The following WDFY4 variants were observed in gnomAD, a reference collection of about 807,000 sequenced individuals.
The protein encoded by WDFY4 is WDFY family member 4.
A neutral mutation model predicts 351.9 loss-of-function variants in WDFY4; 169 were observed. That is an observed-to-expected ratio of 0.48 (90% CI 0.42 to 0.55). WDFY4 has a LOEUF of 0.55. WDFY4 is among the 20% of genes least tolerant of loss of function. The probability of loss-of-function intolerance (pLI) is 0.00; values close to 1 mark genes in which losing one functional copy is unlikely to be tolerated. For synonymous variants in WDFY4, 1,622 were observed against 1,574.6 expected (o/e 1.03, Z -0.71); for missense variants, 3,803 against 3,935.6 (o/e 0.97, Z 0.90).
At chr10:48,761,423 T>G (rs2940736) in intron 13 of WDFY4, among the ~76,000 whole-genome samples, 152,300 of 152,304 alleles carry the variant, frequency 1, 76,148 homozygotes, top group Middle Eastern at 1. Context: ...GAGTTAGGAG[T>G]CTCTGCCTGC....
intron 43 of WDFY4, among the ~76,000 whole-genome samples, chr10:48,887,272 C>T (rs1016697493): frequency 4.6e-5 from 7 of 152,180 alleles, no homozygotes; most frequent in Non-Finnish European, 7.4e-5. Flanking sequence ...ATTGCAGAGC[C>T]ACATCATCTC....
At chr10:48,891,851 C>T (rs1423154548) in intron 44 of WDFY4, among the ~76,000 whole-genome samples, 1 of 152,244 alleles carries the variant, frequency 6.6e-6, no homozygotes, top group African/African-American at 2.4e-5. Flanking sequence ...GTTGTCCTAT[C>T]ACTTCCAACC....
chr10:48,770,232 T>C (rs897559365), intron 13 of WDFY4, among the ~76,000 whole-genome samples: 1 of 152,222 alleles, frequency 6.6e-6, no homozygotes, highest in Non-Finnish European at 1.5e-5. Context: ...GTGGCATCAT[T>C]AGACAAGATC....
chr10:48,790,115 G>C (rs1408479126), intron 22 of WDFY4, 130 bp downstream of exon 22: 1 of 831,986 alleles, frequency 1.2e-6, no homozygotes, highest in East Asian at 2.7e-5. Flanking sequence ...GGGAGGACCA[G>C]AGTTGGGAGT....
chr10:48,821,464 C>T (rs1223226177), intron 34 of WDFY4, among the ~76,000 whole-genome samples: 1 of 152,228 alleles, frequency 6.6e-6, no homozygotes, highest in Admixed American at 6.5e-5. Flanking sequence ...AGTAGAAATG[C>T]AACCTCTTCC....
rs959777754 is a variant in WDFY4, at chr10:48,974,929, G to A, written c.8996G>A (p.Ser2999Asn). Residue 2999 changes from serine to asparagine, a missense_variant, in exon 58 of 62, where the codon AGC (serine) becomes AAC (asparagine). Coordinates refer to ENST00000325239, the MANE Select transcript of WDFY4 (RefSeq NM_001394531.1). Reference protein sequence around the residue: ...AASVTFSLLVSGSQDCTCILW... With the variant: ...AASVTFSLLVNGSQDCTCILW... ...TCAGTCACCTTCAGCCTCCTGGTGAGCGGCTCCCAGGACTGCACCTGTATC... is the reference window on the plus strand; with the variant it reads ...TCAGTCACCTTCAGCCTCCTGGTGAACGGCTCCCAGGACTGCACCTGTATC... 6.4e-7 allele frequency: 1 copy of A among 1,551,546 alleles called. No homozygotes were observed. Among genetic ancestry groups the A allele is most frequent in the Non-Finnish European group, 8.7e-7 (1 of 1,146,996 alleles).
In WDFY4 at chr10:48,743,364, C is replaced by T. The variant is rs1386231369; in HGVS notation, c.2275C>T (p.Arg759Trp). 5.8e-6 allele frequency: 9 copies of T among 1,551,546 alleles called. No individual in the cohort carries two copies. Among genetic ancestry groups the T allele is most frequent in the South Asian group, 1.2e-5 (1 of 84,064 alleles). ...TTCCTCCAGCGGCTCACTCCCACCC[C>T]GGATACAGAGCTGCCTCCAGATCCT... is the stretch of plus-strand genomic sequence containing the variant. Reference protein sequence around the residue: ...AFSSSGSLPPRIQSCLQILGF... With the variant: ...AFSSSGSLPPWIQSCLQILGF... Residue 759 changes from arginine to tryptophan, a missense_variant, in exon 12 of 62, where the codon CGG becomes TGG. Physicochemically the swap from Arg to Trp is moderately radical, Grantham distance 101. Coordinates refer to ENST00000325239, the MANE Select transcript of WDFY4 (RefSeq NM_001394531.1).
intron 47 of WDFY4, among the ~76,000 whole-genome samples, chr10:48,926,263 C>T (rs1316707547): frequency 2.0e-5 from 3 of 152,218 alleles, no homozygotes; most frequent in African/African-American, 7.2e-5. Context: ...TGGCCCCAGG[C>T]CCCAGGAAGG....
chr10:48,820,276 G>A lies in WDFY4; in HGVS notation c.5548G>A (p.Ala1850Thr). The change falls in exon 33 of 62, where the codon GCC becomes ACC. Residue 1850 changes from alanine to threonine, a missense_variant. Around this residue, in one of 3 missense-constraint regions of WDFY4, gnomAD observed 3,054 missense variants for 3,148.6 expected, o/e 0.97. Coordinates refer to ENST00000325239, the MANE Select transcript of WDFY4 (RefSeq NM_001394531.1). ...CACCCGGAACACCAGCAGTCCTGAG[G>A]CCGCAGCTGAAGGCGACAGCACAGT... is the stretch of plus-strand genomic sequence containing the variant. ...ESTRNTSSPEAAAEGDSTVEG... is the reference protein window; with the variant it reads ...ESTRNTSSPETAAEGDSTVEG... 1 of 1,551,692 alleles carries A rather than the reference G, an allele frequency of 6.4e-7. No homozygotes were observed. The highest frequency in any genetic ancestry group is 8.7e-7 in the Non-Finnish European group (1 of 1,147,006).
intron 28 of WDFY4, among the ~76,000 whole-genome samples, chr10:48,809,807 C>T (rs184958656): frequency 1.3e-5 from 2 of 152,354 alleles, no homozygotes; most frequent in African/African-American, 4.8e-5. Flanking sequence ...CTCTTCTCTT[C>T]ACTCCTAGTC....
rs145247882 is a variant in WDFY4, at chr10:48,890,746, C to T, written c.7316+19C>T. On this transcript the variant is annotated intron_variant, in intron 44 of 61. Transcript: ENST00000325239. Reference sequence around the variant, plus strand: ...TATCCAAGTGAGTTATCCACTTCTCCCAGCAGATTCTTCCCTGAGCCCCAT... The same window carrying T: ...TATCCAAGTGAGTTATCCACTTCTCTCAGCAGATTCTTCCCTGAGCCCCAT... 887 of 1,551,400 alleles carry T rather than the reference C, an allele frequency of 5.7e-4. 2 individuals carry two copies. The highest frequency in any genetic ancestry group is 2.6e-3 in the Admixed American group (134 of 50,998).
At chr10:48,913,723 C>T in intron 47 of WDFY4, 1 of 1,613,056 alleles carries the variant, frequency 6.2e-7, no homozygotes, top group Non-Finnish European at 8.5e-7. Flanking sequence ...TCGTGGAGCT[C>T]CTTCAGGGCC....
intron 33 of WDFY4, among the ~76,000 whole-genome samples, 153 bp downstream of exon 33, chr10:48,820,590 G>C (rs1299711364): frequency 1.3e-5 from 2 of 152,246 alleles, no homozygotes; most frequent in Non-Finnish European, 2.9e-5. Flanking sequence ...AAAAGCAACA[G>C]GTGATAGAGG....
At chr10:48,715,355 G>A (rs1339342699) in intron 2 of WDFY4, among the ~76,000 whole-genome samples, 1 of 152,272 alleles carries the variant, frequency 6.6e-6, no homozygotes, top group Non-Finnish European at 1.5e-5. Flanking sequence ...AACTGGAAAA[G>A]TGGGTAACAT....
chr10:48,877,558 G>A (rs1016504732), intron 43 of WDFY4, among the ~76,000 whole-genome samples: 1 of 152,198 alleles, frequency 6.6e-6, no homozygotes, highest in African/African-American at 2.4e-5. Flanking sequence ...CCCTGTTTGT[G>A]GCCTGACCAC....
intron 49 of WDFY4, among the ~76,000 whole-genome samples, chr10:48,943,654 G>T (rs1203146756): frequency 6.6e-6 from 1 of 151,902 alleles, no homozygotes; most frequent in Non-Finnish European, 1.5e-5. Context: ...GTGCAAAGGC[G>T]CAATCTCTGC....
intron 40 of WDFY4, among the ~76,000 whole-genome samples, chr10:48,872,359 G>A (rs189671996): frequency 4.6e-5 from 7 of 152,290 alleles, no homozygotes; most frequent in Non-Finnish European, 8.8e-5. Context: ...ATCTCTGTTT[G>A]GCCACCTGTT....
At chr10:48,903,621 C>G (rs1415344765) in intron 47 of WDFY4, among the ~76,000 whole-genome samples, 2 of 152,150 alleles carry the variant, frequency 1.3e-5, no homozygotes, top group Non-Finnish European at 2.9e-5. Flanking sequence ...AGGATTTAGG[C>G]TTCAGCAATT....
chr10:48,894,679 G>T (rs1369987345), intron 44 of WDFY4, among the ~76,000 whole-genome samples: 2 of 152,232 alleles, frequency 1.3e-5, no homozygotes, highest in African/African-American at 4.8e-5. Flanking sequence ...CCTGCGCCTT[G>T]TAGGGTCTGC....
Sources: gnomAD v4.1 joint callset for allele counts (sites outside exome capture counted in the v4.1 genomes callset) on GRCh38, gnomAD v4.1.1 for gene constraint, gnomAD v4.1.1 regional missense constraint, MANE v1.5 for transcripts, NCBI Gene and HGNC (gene_info 2026-07-23, HGNC 2026-07-21) for gene names.